Variants in RASA3 observed in about 807,000 individuals in gnomAD.
The protein encoded by RASA3 is RAS p21 protein activator 3.
A neutral mutation model predicts 110.0 loss-of-function variants in RASA3; 73 were observed. That is an observed-to-expected ratio of 0.66 (90% confidence interval 0.55 to 0.81). The LOEUF is 0.81. RASA3 is among the 30% of genes least tolerant of loss of function. RASA3 has a pLI of 0.00. For missense variants in RASA3, 976 were observed against 1,113.2 expected, an observed-to-expected ratio of 0.88 and a Z score of 1.75; for synonymous variants, 500 against 451.4, an observed-to-expected ratio of 1.11 and a Z score of -1.37.
intron 2 of RASA3, among the ~76,000 whole-genome samples, chr13:114,070,920 G>A (rs1265431729): frequency 2.6e-4 from 32 of 120,864 alleles, no homozygotes; most frequent in African/African-American, 1.2e-3. Context: ...TTACACGTGG[G>A]CAGGGCTGCC....
chr13:114,019,519 G>A (rs975094832), intron 9 of RASA3, among the ~76,000 whole-genome samples: 3 of 151,420 alleles, frequency 2.0e-5, no homozygotes, highest in African/African-American at 7.3e-5. Context: ...CCATCAGGTG[G>A]GTGGAGCCTG....
At position 114,057,801 on chromosome 13, in the gene RASA3, C is replaced by T. The variant is rs1439639988; in HGVS notation, c.174-5646G>A. The stretch of plus-strand genomic sequence containing the variant: ...ACCACACCCAGACCTGGAAGGGGCA[C>T]CTCTGGCCAGGGCGCTCAGCACGAG... On this transcript the variant is annotated intron_variant, in intron 2 of 23. Coordinates refer to ENST00000334062, the MANE Select transcript of RASA3 (RefSeq NM_007368.4). The surrounding 1 kb of genome is among the most constrained non-coding windows in gnomAD (Gnocchi z 5.0). 3.9e-5 allele frequency among the ~76,000 whole-genome samples: 6 copies of T among 152,214 alleles called. No individual in the cohort carries two copies. The highest frequency in any genetic ancestry group is 1.4e-4 in the African/African-American group (6 of 41,448).
intron 1 of RASA3, among the ~76,000 whole-genome samples, chr13:114,077,276 A>G (rs955068663): frequency 1.3e-5 from 2 of 152,054 alleles, no homozygotes; most frequent in Non-Finnish European, 2.9e-5. Flanking sequence ...GCGCCAACAC[A>G]CCAGATTCAT....
At position 114,096,028 on chromosome 13, in the gene RASA3, G is replaced by A. The variant is rs890444028; in HGVS notation, c.56-22191C>T. ...TTTCACACAACGACTGGGAAAATCT[G>A]CCTACAGGAAGATGCCACCCTGGGT... On this transcript the variant is annotated intron_variant, in intron 1 of 23. Transcript: ENST00000334062. The surrounding 1 kb of genome is among the most constrained non-coding windows in gnomAD (Gnocchi z 5.1). 9.9e-5 allele frequency among the ~76,000 whole-genome samples: 15 copies of A among 152,232 alleles called. No individual in the cohort carries two copies. Among genetic ancestry groups the A allele is most frequent in the Non-Finnish European group, 1.8e-4 (12 of 68,044 alleles).
chr13:114,104,968 C>T (rs935715370), intron 1 of RASA3, among the ~76,000 whole-genome samples: 1 of 151,858 alleles, frequency 6.6e-6, no homozygotes, highest in African/African-American at 2.4e-5. Context: ...CAGCAGCCCT[C>T]ACAGGAAGGG....
At chr13:114,025,553 A>G (rs1269911371) in intron 7 of RASA3, among the ~76,000 whole-genome samples, 3 of 152,170 alleles carry the variant, frequency 2.0e-5, no homozygotes, top group Non-Finnish European at 2.9e-5. Context: ...GTCTGTTTGC[A>G]TCCCTCCCAT....
intron 5 of RASA3, among the ~76,000 whole-genome samples, chr13:114,028,240 TG>T (rs34644607): frequency 2.4e-5 from 1 of 41,220 alleles, no homozygotes; most frequent in South Asian, 7.2e-4. Context: ...AGTGTCATCC[TG>T]GGGGCCAGGA....
intron 2 of RASA3, among the ~76,000 whole-genome samples, chr13:114,055,199 GC>G (rs1162975779): frequency 6.6e-6 from 1 of 152,212 alleles, no homozygotes; most frequent in African/African-American, 2.4e-5. Flanking sequence ...CCATGCATGT[GC>G]CCATACATGT....
At chr13:114,110,220 G>A (rs986058299) in intron 1 of RASA3, among the ~76,000 whole-genome samples, 1 of 152,226 alleles carries the variant, frequency 6.6e-6, no homozygotes, top group Non-Finnish European at 1.5e-5. Context: ...CAGTCCCCAG[G>A]GGGGCCTGGA....
At chr13:114,124,049 G>GC (rs920637161) in intron 1 of RASA3, among the ~76,000 whole-genome samples, 38 of 152,096 alleles carry the variant, frequency 2.5e-4, no homozygotes, top group Non-Finnish European at 3.2e-4. Context: ...TCCTGACCCA[G>GC]CCCCCCGGCC....
rs370586533 is a variant in RASA3, at chr13:113,990,307, G to A, written c.2245+2178C>T. Among the ~76,000 whole-genome samples, 109 of 152,330 alleles carry A rather than the reference G, an allele frequency of 7.2e-4. No homozygotes were observed. In the Middle Eastern group the frequency reaches 0.01, roughly 14 times the overall value. On this transcript the variant is annotated intron_variant, in intron 22 of 23. Transcript: ENST00000334062. The stretch of plus-strand genomic sequence containing the variant: ...GAGGAAGACACTTCCAAGGTAAACA[G>A]GGTCTGCCAGCCTGATGCGCAAGGG...
rs1232566560 is a variant in RASA3 at position 113,992,749 on chromosome 13, T to A, written c.2142-161A>T. On this transcript the variant is annotated intron_variant, in intron 21 of 23. Transcript: ENST00000334062. ...GCTGTCCGTCTGTGCACAGCCGGTG[T>A]GTTGGCTTGCTGAGCAAGGCTGACA... Among the ~76,000 whole-genome samples the A allele has an allele frequency of 1.3e-5, 2 of 152,240 alleles. 1 individual carries two copies. Among genetic ancestry groups the A allele is most frequent in the Admixed American group, 1.3e-4 (2 of 15,284 alleles).
chr13:114,087,861 G>A (rs972203954), intron 1 of RASA3, among the ~76,000 whole-genome samples: 1 of 152,246 alleles, frequency 6.6e-6, no homozygotes. Context: ...CGGGCGCGGT[G>A]GCTCTTGCCT....
chr13:114,076,560 C>G (rs2079687469), intron 1 of RASA3, among the ~76,000 whole-genome samples: 1 of 151,490 alleles, frequency 6.6e-6, no homozygotes, highest in Admixed American at 6.6e-5. Context: ...ACACACGCAG[C>G]ACACGCAGGC....
chr13:113,992,319 C>G (rs771362625), intron 22 of RASA3, among the ~76,000 whole-genome samples, 166 bp downstream of exon 22: 11 of 152,386 alleles, frequency 7.2e-5, no homozygotes, highest in Non-Finnish European at 1.0e-4. Flanking sequence ...GCTGCCTACC[C>G]TGCAAAAAGC....
At chr13:113,995,491 C>T (rs1259051479) in intron 21 of RASA3, among the ~76,000 whole-genome samples, 1 of 152,260 alleles carries the variant, frequency 6.6e-6, no homozygotes, top group Admixed American at 6.5e-5. Flanking sequence ...ACAACAACAG[C>T]GAGGTGCATC....
chr13:114,100,463 G>C (rs2080042387), intron 1 of RASA3, among the ~76,000 whole-genome samples: 1 of 152,244 alleles, frequency 6.6e-6, no homozygotes, highest in South Asian at 2.1e-4. Context: ...GCAGGGCTCT[G>C]TCAGGCGGAG....
chr13:114,073,813 T>C lies in RASA3; in HGVS notation c.80A>G (p.Tyr27Cys). 1 of 1,614,164 alleles carries C rather than the reference T, an allele frequency of 6.2e-7. No homozygotes were observed. Among genetic ancestry groups the C allele is most frequent in the Non-Finnish European group, 8.5e-7 (1 of 1,180,010 alleles). Residue 27 changes from tyrosine to cysteine, a missense_variant, in exon 2 of 24, where the codon TAC (tyrosine) becomes TGC (cysteine). Coordinates refer to ENST00000334062, the MANE Select transcript of RASA3 (RefSeq NM_007368.4). ...ATCCCTCATCTTGCTCGGCCCCGGG[T>C]AAGAGGGAAGGTTTTTGGCTTCACC... ...KIGEAKNLPS[Y>C]PGPSKMRDCY... is the part of the protein sequence containing the mutation.
rs188245145 is a variant in RASA3 at position 114,100,805 on chromosome 13, G to A, written c.56-26968C>T. ...CAAGGCCCCAGGGACACCGGAAGCC[G>A]TGGAGCCCGGGCCCCATGCGTCTGT... On this transcript the variant is annotated intron_variant, in intron 1 of 23. Coordinates refer to ENST00000334062, the MANE Select transcript of RASA3 (RefSeq NM_007368.4). Among the ~76,000 whole-genome samples, 270 of 152,334 alleles carry A rather than the reference G, an allele frequency of 1.8e-3. 1 individual carries two copies. Among genetic ancestry groups the A allele is most frequent in the Admixed American group, 4.5e-3 (69 of 15,302 alleles).
Sources: gnomAD v4.1 joint callset for allele counts (sites outside exome capture counted in the v4.1 genomes callset) on GRCh38, gnomAD v4.1.1 for gene constraint, Gnocchi (gnomAD v3.1) non-coding constraint, MANE v1.5 for transcripts, NCBI Gene and HGNC (gene_info 2026-07-23, HGNC 2026-07-21) for gene names.